Variants in CPEB2 observed in about 807,000 individuals in gnomAD.
CPEB2 encodes the protein cytoplasmic polyadenylation element binding protein 2, also known as cytoplasmic polyadenylation element-binding protein 2.
A neutral mutation model predicts 93.6 loss-of-function variants in CPEB2; 56 were observed. The ratio of observed to expected loss-of-function variants is 0.60; its 90% confidence interval spans 0.48 to 0.75. The LOEUF (loss-of-function observed/expected upper bound fraction) is 0.75, where lower values mean the gene tolerates loss of function less well. CPEB2 is among the 30% of genes least tolerant of loss of function. CPEB2 has a pLI of 0.00. For synonymous variants in CPEB2, 764 were observed against 586.3 expected, an observed-to-expected ratio of 1.30 and a Z score of -4.38; for missense variants, 1,579 against 1,395.1, an observed-to-expected ratio of 1.13 and a Z score of -2.10.
chr4:15,059,106 C>T (rs1728965538), intron 9 of CPEB2, 81 bp from the exon 10 acceptor site: 1 of 759,080 alleles, frequency 1.3e-6, no homozygotes, highest in African/African-American at 1.8e-5. Context: ...AAAAGAATCA[C>T]TATTAACTGG....
chr4:15,065,361 T>G (rs1176600500), intron 11 of CPEB2, among the ~76,000 whole-genome samples: 1 of 152,078 alleles, frequency 6.6e-6, no homozygotes, highest in Non-Finnish European at 1.5e-5. Flanking sequence ...TCTGGCACTT[T>G]TCAGCCAAAC....
chr4:15,021,931 T>C (rs1724858250), intron 4 of CPEB2, among the ~76,000 whole-genome samples: 2 of 152,158 alleles, frequency 1.3e-5, no homozygotes, highest in Non-Finnish European at 2.9e-5. Flanking sequence ...TGCTGACTGA[T>C]TATGGTAGTA....
At chr4:15,059,413 G>T in intron 10 of CPEB2, 112 bp downstream of exon 10, 1 of 570,110 alleles carries the variant, frequency 1.8e-6, no homozygotes, top group Non-Finnish European at 3.0e-6. Flanking sequence ...CAGAGCAGGA[G>T]CAGATTCTGC....
intron 6 of CPEB2, among the ~76,000 whole-genome samples, chr4:15,042,577 C>G (rs2109054412): frequency 6.6e-6 from 1 of 152,230 alleles, no homozygotes; most frequent in East Asian, 1.9e-4. Context: ...ATTTTCATCT[C>G]AAATTATATG....
intron 3 of CPEB2, among the ~76,000 whole-genome samples, chr4:15,014,839 T>G (rs1723924668): frequency 6.6e-6 from 1 of 152,102 alleles, no homozygotes; most frequent in Non-Finnish European, 1.5e-5. Context: ...CACAGTATAG[T>G]GGAAGCACAG....
chr4:15,027,507 C>A (rs1237266147), intron 4 of CPEB2, among the ~76,000 whole-genome samples: 1 of 152,156 alleles, frequency 6.6e-6, no homozygotes, highest in Non-Finnish European at 1.5e-5. Flanking sequence ...CCCCTTGGAT[C>A]TGAGCAGAGA....
chr4:15,019,716 G>GA (rs1318292195), intron 4 of CPEB2, among the ~76,000 whole-genome samples: 1 of 152,040 alleles, frequency 6.6e-6, no homozygotes, highest in African/African-American at 2.4e-5. Flanking sequence ...GGGATCTGAT[G>GA]AAAAAGGAGA....
chr4:15,068,309 T>C lies in CPEB2; in HGVS notation c.*1929T>C, dbSNP rs1397020647. The C allele has an allele frequency of 6.6e-6, 1 of 152,356 alleles. No individual in the cohort carries two copies. Among genetic ancestry groups the C allele is most frequent in the Non-Finnish European group, 1.5e-5 (1 of 67,876 alleles). The allele number at this position is 152,356 out of a possible 1,614,324, so 9.4% of individuals were successfully genotyped here. ...TGGTTCAAGTTTTTAATGTTTAAAG[T>C]TGATGCTGTTTTCAGAAGAGCTTTT... On this transcript the variant is annotated 3_prime_UTR_variant, in exon 12 of 12. Transcript: ENST00000538197.
chr4:15,062,395 A>T, intron 11 of CPEB2, 135 bp downstream of exon 11: 2 of 529,770 alleles, frequency 3.8e-6, no homozygotes, highest in Non-Finnish European at 6.2e-6. Flanking sequence ...GATATTATAT[A>T]AAAATATCCT....
In CPEB2 at chr4:15,004,070, CGCCCGT is replaced by C; in HGVS notation, c.1399_1404del (p.Pro467_Val468del). On this transcript the variant is annotated inframe_deletion, in exon 1 of 12. Transcript: ENST00000538197. Reference sequence around the variant, plus strand: ...AACCCGGCCTTCTTCCCTAGCTTCTCGCCCGTGTCGCCGCACGGCTGCACTGGGCTC... The same window carrying C: ...AACCCGGCCTTCTTCCCTAGCTTCTCGTCGCCGCACGGCTGCACTGGGCTC... The C allele has an allele frequency of 6.4e-7, 1 of 1,566,500 alleles. No homozygotes were observed. Among genetic ancestry groups the C allele is most frequent in the South Asian group, 1.2e-5 (1 of 86,610 alleles).
chr4:15,023,744 A>G (rs944817901), intron 4 of CPEB2, among the ~76,000 whole-genome samples: 2 of 151,428 alleles, frequency 1.3e-5, no homozygotes, highest in Admixed American at 1.3e-4. Flanking sequence ...GGTAGCCACT[A>G]TGAGCTTTTT....
At chr4:15,042,554 A>T (rs911446900) in intron 6 of CPEB2, among the ~76,000 whole-genome samples, 1 of 152,138 alleles carries the variant, frequency 6.6e-6, no homozygotes, top group Non-Finnish European at 1.5e-5. Flanking sequence ...CATAAGGGGG[A>T]GTGAATGCCT....
chr4:15,041,857 TTAA>T (rs1727219772), intron 6 of CPEB2, among the ~76,000 whole-genome samples: 1 of 152,246 alleles, frequency 6.6e-6, no homozygotes, highest in African/African-American at 2.4e-5. Flanking sequence ...TGAATTTAAC[TTAA>T]TTTTTTAATA....
intron 6 of CPEB2, among the ~76,000 whole-genome samples, chr4:15,040,832 C>G (rs948363080): frequency 6.6e-6 from 1 of 152,222 alleles, no homozygotes; most frequent in East Asian, 1.9e-4. Context: ...GATTTTTCTG[C>G]TCTCTAAATG....
At chr4:15,065,350 G>C (rs963215828) in intron 11 of CPEB2, among the ~76,000 whole-genome samples, 44 of 152,048 alleles carry the variant, frequency 2.9e-4, no homozygotes. Context: ...CTGTTATGCT[G>C]TCTGGCACTT....
Position 15,003,324 on chromosome 4 carries a change from G to A in CPEB2, c.651G>A (p.Pro217=), listed in dbSNP as rs989542917. Residue 217 remains proline (P), a synonymous_variant, in exon 1 of 12, where the codon CCG becomes CCA. Transcript: ENST00000538197. ...RFSPPPPPAG[P]LLQPAQLAQR... ...GCCCGCCGCCGCCGCCAGCCGGCCC[G>A]CTCCTCCAGCCGGCGCAGCTCGCTC... 67 of 1,415,584 alleles carry A rather than the reference G, an allele frequency of 4.7e-5. No individual in the cohort carries two copies. Among genetic ancestry groups the A allele is most frequent in the Non-Finnish European group, 5.8e-5 (64 of 1,099,174 alleles). The allele number at this position is 1,415,584 out of a possible 1,614,324, so 87.7% of individuals were successfully genotyped here. A position where few individuals can be genotyped will look rare whatever the true frequency, so the allele number is the denominator to read the frequency against.
chr4:15,004,762 C>T (rs1453346012), intron 1 of CPEB2, among the ~76,000 whole-genome samples: 5 of 151,686 alleles, frequency 3.3e-5, no homozygotes, highest in Non-Finnish European at 7.4e-5. Context: ...CCGCCCCGGA[C>T]CCCCGACGCG....
chr4:15,047,810 A>G (rs1727850376), intron 6 of CPEB2, among the ~76,000 whole-genome samples: 1 of 151,638 alleles, frequency 6.6e-6, no homozygotes, highest in Non-Finnish European at 1.5e-5. Context: ...TTCAAGAGAA[A>G]CCATTTGATA....
rs1433500366 is a variant in CPEB2, at chr4:15,003,619, TC to T, written c.951del (p.Asn318ThrfsTer140). 2 of 1,478,184 alleles carry T rather than the reference TC, an allele frequency of 1.4e-6. No homozygotes were observed. The highest frequency in any genetic ancestry group is 1.8e-6 in the Non-Finnish European group (2 of 1,119,174). The allele number at this position is 1,478,184 out of a possible 1,614,324, so 91.6% of individuals were successfully genotyped here. A position where few individuals can be genotyped will look rare whatever the true frequency, so the allele number is the denominator to read the frequency against. On this transcript the variant is annotated frameshift_variant, in exon 1 of 12. Transcript: ENST00000538197. LOFTEE classifies it high-confidence loss of function. The part of the protein sequence containing the change: ...PVNPAPGSME[S>X]PNHPLLNSPS... ...GAACCCCGCGCCGGGCTCCATGGAG[TC>T]CCCCAACCACCCTCTGCTCAACAGT...
Sources: allele counts gnomAD v4.1 joint callset (sites outside exome capture counted in the v4.1 genomes callset), GRCh38; gene constraint gnomAD v4.1.1; transcripts MANE v1.5; gene names NCBI Gene and HGNC (gene_info 2026-07-23, HGNC 2026-07-21).